The following MPDZ variants were observed in gnomAD, a reference collection of about 807,000 sequenced individuals.
The protein encoded by MPDZ is multiple PDZ domain protein.
MPDZ carries 234 observed loss-of-function variants against 239.1 expected under a neutral mutation model. The ratio of observed to expected loss-of-function variants is 0.98; its 90% CI spans 0.88 to 1.09. The LOEUF is 1.09. Among genes scored for constraint, MPDZ ranks in the 50% least tolerant of loss-of-function variants. The probability of loss-of-function intolerance (pLI) is 0.00; values close to 1 mark genes in which losing one functional copy is unlikely to be tolerated. For synonymous variants in MPDZ, 1,048 were observed against 881.3 expected, an observed-to-expected ratio of 1.19 and a Z score of -3.35; for missense variants, 3,175 against 2,510.0, an observed-to-expected ratio of 1.26 and a Z score of -5.66.
chr9:13,254,843 G>A (rs1385147833), intron 1 of MPDZ, among the ~76,000 whole-genome samples: 2 of 152,320 alleles, frequency 1.3e-5, no homozygotes, highest in Admixed American at 6.5e-5. Context: ...CTTTGAGCTG[G>A]TGGAGGGTCT....
chr9:13,176,877 TC>T (rs1952572116), intron 19 of MPDZ, among the ~76,000 whole-genome samples: 1 of 152,118 alleles, frequency 6.6e-6, no homozygotes, highest in Non-Finnish European at 1.5e-5. Context: ...CATAAGGGCC[TC>T]CAAGAGAAAA....
Position 13,140,096 on chromosome 9 carries a change from G to A in MPDZ, c.3894C>T (p.Pro1298=), listed in dbSNP as rs750637617. The change falls in exon 28 of 47, where the codon CCC becomes CCT. Residue 1298 remains proline, a synonymous_variant. Transcript: ENST00000319217. ...CGGCAAAGGCTGAAGGAGGGGGTGGGGGCACACTGCACAATGGAGCCTTCT... is the reference window on the plus strand; with the variant it reads ...CGGCAAAGGCTGAAGGAGGGGGTGGAGGCACACTGCACAATGGAGCCTTCT... ...EPEKAPLCSV[P]PPPPSAFAEM... is the part of the protein sequence containing the mutation. 1 of 1,613,362 alleles carries A rather than the reference G, an allele frequency of 6.2e-7. No homozygotes were observed. Among genetic ancestry groups the A allele is most frequent in the Non-Finnish European group, 8.5e-7 (1 of 1,179,756 alleles).
chr9:13,174,240 G>A (rs570188417), intron 21 of MPDZ, among the ~76,000 whole-genome samples: 1 of 152,104 alleles, frequency 6.6e-6, no homozygotes, highest in East Asian at 1.9e-4. Context: ...ATCTATTATA[G>A]CATGTACAAT....
intron 1 of MPDZ, chr9:13,274,565 A>G (rs1229461338): frequency 6.6e-6 from 1 of 151,944 alleles, no homozygotes; most frequent in Non-Finnish European, 1.5e-5. Flanking sequence ...GATTGGGAAG[A>G]ATGGCTCTAA....
intron 7 of MPDZ, among the ~76,000 whole-genome samples, chr9:13,220,676 T>A (rs2136248098): frequency 6.6e-6 from 1 of 152,106 alleles, no homozygotes; most frequent in East Asian, 1.9e-4. Flanking sequence ...ATTTCATTTA[T>A]GAATACAGGG....
intron 36 of MPDZ, among the ~76,000 whole-genome samples, chr9:13,122,707 G>C (rs566864822): frequency 1.1e-4 from 17 of 152,090 alleles, no homozygotes; most frequent in African/African-American, 4.1e-4. Context: ...AGTAGAGATA[G>C]GGTTTTGCCA....
At chr9:13,253,691 G>C (rs981112666) in intron 1 of MPDZ, among the ~76,000 whole-genome samples, 1 of 152,164 alleles carries the variant, frequency 6.6e-6, no homozygotes, top group Admixed American at 6.5e-5. Context: ...GGCAAGTTCT[G>C]AGGAATTTTC....
At chr9:13,107,196 A>C (rs551887092) in intron 46 of MPDZ, 85 bp from the exon 47 acceptor site, 1 of 1,412,878 alleles carries the variant, frequency 7.1e-7, no homozygotes, top group Non-Finnish European at 9.6e-7. Flanking sequence ...ACAGGAATGT[A>C]AATTGCTCTG....
chr9:13,105,886 C>T lies in MPDZ; in HGVS notation c.*1079G>A, dbSNP rs1337716682. On this transcript the variant is annotated 3_prime_UTR_variant, in exon 47 of 47. Transcript: ENST00000319217. ...GGAATGAACACATGATAATTCCTCA[C>T]CAGTTGTCTCAATAAACAGCTCCAT... The T allele has an allele frequency of 6.6e-6, 1 of 152,164 alleles. No homozygotes were observed. The highest frequency in any genetic ancestry group is 1.5e-5 in the Non-Finnish European group (1 of 68,026). 9.4% of individuals were successfully genotyped at this position (152,164 alleles called of 1,614,324 possible).
At chr9:13,138,988 C>T (rs1158952362) in intron 28 of MPDZ, among the ~76,000 whole-genome samples, 1 of 152,172 alleles carries the variant, frequency 6.6e-6, no homozygotes, top group African/African-American at 2.4e-5. Flanking sequence ...TGAAACATTT[C>T]AGTTCACGTT....
chr9:13,231,134 G>C (rs1000129986), intron 3 of MPDZ, among the ~76,000 whole-genome samples: 13 of 151,798 alleles, frequency 8.6e-5, no homozygotes, highest in African/African-American at 2.9e-4. Context: ...GATTAATATA[G>C]CAAACATAAA....
chr9:13,182,791 C>A (rs191637789), intron 19 of MPDZ, among the ~76,000 whole-genome samples: 1 of 152,050 alleles, frequency 6.6e-6, no homozygotes, highest in African/African-American at 2.4e-5. Context: ...AGTATGTCAC[C>A]AAGAAAATGA....
chr9:13,159,182 G>C (rs1286625980), intron 23 of MPDZ, among the ~76,000 whole-genome samples: 3 of 152,128 alleles, frequency 2.0e-5, no homozygotes, highest in Non-Finnish European at 2.9e-5. Context: ...AATGCGCTTT[G>C]CAACATTTCT....
At chr9:13,231,157 G>A (rs1348048070) in intron 3 of MPDZ, among the ~76,000 whole-genome samples, 2 of 151,430 alleles carry the variant, frequency 1.3e-5, no homozygotes, top group South Asian at 2.1e-4. Context: ...TCCAGCATTG[G>A]GAATAAAAAA....
intron 39 of MPDZ, among the ~76,000 whole-genome samples, chr9:13,119,003 C>G (rs1327869833): frequency 1.3e-5 from 2 of 152,188 alleles, no homozygotes; most frequent in Non-Finnish European, 2.9e-5. Flanking sequence ...TTTTAAATGT[C>G]AACTTCAAAT....
Position 13,186,361 on chromosome 9 carries a change from G to A in MPDZ, c.2390C>T (p.Ser797Phe), listed in dbSNP as rs1954105475. 2 of 1,584,066 alleles carry A rather than the reference G, an allele frequency of 1.3e-6. No individual in the cohort carries two copies. The highest frequency in any genetic ancestry group is 1.7e-6 in the Non-Finnish European group (2 of 1,164,188). Residue 797 changes from serine (S) to phenylalanine (F), a missense_variant, in exon 18 of 47, where the codon TCT becomes TTT. Ser to Phe is a radical substitution (Grantham distance 155, BLOSUM62 -2). Coordinates refer to ENST00000319217, the MANE Select transcript of MPDZ (RefSeq NM_001378778.1). ...GTAGAGAAAGGAATCCTCCTTAGCAGAAACATAACCTTCTTCTGGTGAAAG... is the reference window on the plus strand; with the variant it reads ...GTAGAGAAAGGAATCCTCCTTAGCAAAAACATAACCTTCTTCTGGTGAAAG... ...LPLSPEEGYVSAKEDSFLYPP... is the reference protein window; with the variant it reads ...LPLSPEEGYVFAKEDSFLYPP...
chr9:13,190,200 G>C lies in MPDZ; in HGVS notation c.2068C>G (p.Pro690Ala), dbSNP rs764453158. Reference sequence around the variant, plus strand: ...ATGCCAGCCTCCCACATGGCCAAAGGTGCTTGAACCTCTTCTGTACTCTGA... The same window carrying C: ...ATGCCAGCCTCCCACATGGCCAAAGCTGCTTGAACCTCTTCTGTACTCTGA... ...AGQSTEEVQA[P>A]LAMWEAGIQH... The change falls in exon 16 of 47, where the codon CCT becomes GCT. Residue 690 changes from proline (P) to alanine (A), a missense_variant. Transcript: ENST00000319217. 7 of 1,613,066 alleles carry C rather than the reference G, an allele frequency of 4.3e-6. No homozygotes were observed. In the African/African-American group the frequency reaches 6.7e-5, roughly 15 times the overall value.
chr9:13,172,178 T>G (rs1951857764), intron 21 of MPDZ, among the ~76,000 whole-genome samples: 1 of 152,156 alleles, frequency 6.6e-6, no homozygotes, highest in African/African-American at 2.4e-5. Context: ...CAGTAAATTT[T>G]AACTCCAAAA....
chr9:13,206,924 C>T (rs1054385691), intron 10 of MPDZ, among the ~76,000 whole-genome samples: 1 of 152,074 alleles, frequency 6.6e-6, no homozygotes, highest in Non-Finnish European at 1.5e-5. Context: ...AGGGATCCTC[C>T]CACCTCAGCC....
Sources: allele counts gnomAD v4.1 joint callset (sites outside exome capture counted in the v4.1 genomes callset), GRCh38; gene constraint gnomAD v4.1.1; transcripts MANE v1.5; gene names NCBI Gene and HGNC (gene_info 2026-07-23, HGNC 2026-07-21).